Variants in FANCI observed in about 807,000 individuals in gnomAD.
FANCI encodes the protein Fanconi anemia group I protein.
In FANCI, 156 loss-of-function variants were observed where a neutral mutation model predicts 176.1. The ratio of observed to expected loss-of-function variants is 0.89; its 90% confidence interval spans 0.78 to 1.01. The LOEUF (loss-of-function observed/expected upper bound fraction) is 1.01, where lower values mean the gene tolerates loss of function less well. Ranked by LOEUF, FANCI falls within the 50% of genes least tolerant of loss-of-function variation. The probability of loss-of-function intolerance (pLI) is 0.00; values close to 1 mark genes in which losing one functional copy is unlikely to be tolerated. For synonymous variants in FANCI, 613 were observed against 541.7 expected (o/e 1.13, Z -1.83); for missense variants, 1,678 against 1,534.1 (o/e 1.09, Z -1.57).
At chr15:89,274,572 A>G (rs1282390093) in intron 12 of FANCI, among the ~76,000 whole-genome samples, 1 of 133,890 alleles carries the variant, frequency 7.5e-6, no homozygotes, top group Non-Finnish European at 1.6e-5. Context: ...TGATATTACA[A>G]TTCTCTATTT....
At position 89,291,673 on chromosome 15, in the gene FANCI, A is replaced by G. The variant is rs746651145; in HGVS notation, c.1951A>G (p.Ile651Val). Residue 651 changes from isoleucine to valine, a missense_variant, in exon 20 of 38, where the codon ATT becomes GTT. This residue lies in a region of FANCI where 1,204 missense variants were observed against 1,077.4 expected (regional missense o/e 1.12). Transcript: ENST00000310775. ...GCCTCCTCTGAAATTAGAAGCTTGT[A>G]TTCTGACCCAAGGAGATAAGATCTC... ...LLPPLKLEAC[I>V]LTQGDKISLQ... is the part of the protein sequence containing the mutation. The G allele has an allele frequency of 4.3e-6, 7 of 1,613,744 alleles. No individual in the cohort carries two copies. In the African/African-American group the frequency reaches 9.3e-5, roughly 22 times the overall value.
At chr15:89,280,617 A>C (rs1012631224) in intron 14 of FANCI, among the ~76,000 whole-genome samples, 3 of 152,074 alleles carry the variant, frequency 2.0e-5, no homozygotes, top group Non-Finnish European at 4.4e-5. Flanking sequence ...ACTCATAATG[A>C]GCTCTTCTTC....
chr15:89,300,000 T>G (rs2054467350), intron 25 of FANCI, 34 bp downstream of exon 25: 3 of 1,611,606 alleles, frequency 1.9e-6, no homozygotes, highest in Non-Finnish European at 2.5e-6. Context: ...TAGGCTTGAT[T>G]TAGGTTTCTC....
chr15:89,293,831 A>G lies in FANCI; in HGVS notation c.2292-2A>G, dbSNP rs750953609. ...TAGCGGTCTCTTTTTTGTTTTTTAC[A>G]GTAAGAATAGGTTTGAGGACATTCT... On this transcript the variant is annotated splice_acceptor_variant, in intron 22 of 37. Transcript: ENST00000310775. LOFTEE classifies it high-confidence loss of function. 1.2e-6 allele frequency: 2 copies of G among 1,613,560 alleles called. No individual in the cohort carries two copies. Among genetic ancestry groups the G allele is most frequent in the South Asian group, 1.1e-5 (1 of 91,010 alleles).
intron 12 of FANCI, among the ~76,000 whole-genome samples, chr15:89,275,111 C>T (rs62020354): frequency 0.37 from 48,003 of 130,928 alleles, 9,813 homozygotes; most frequent in South Asian, 0.47. Context: ...TTTCTGAAGA[C>T]GTAGGAACTT....
chr15:89,258,896 C>G, intron 3 of FANCI, 120 bp downstream of exon 3: 1 of 801,592 alleles, frequency 1.2e-6, no homozygotes, highest in Non-Finnish European at 2.1e-6. Context: ...TTTGAGGATT[C>G]TACAGAATCA....
intron 20 of FANCI, 139 bp downstream of exon 20, chr15:89,291,853 T>C: frequency 1.4e-6 from 1 of 727,766 alleles, no homozygotes; most frequent in Non-Finnish European, 2.4e-6. Flanking sequence ...TCCCTGCTTA[T>C]CATTTCTGAA....
chr15:89,283,376 ATGATGATGGTGC>A (rs1441381459), intron 17 of FANCI, 126 bp downstream of exon 17: 4 of 1,404,060 alleles, frequency 2.8e-6, no homozygotes, highest in Non-Finnish European at 3.9e-6. Flanking sequence ...GAGTCTGATG[ATGATGATGGTGC>A]TGATGATGAT....
intron 34 of FANCI, 35 bp downstream of exon 34, chr15:89,307,707 C>G (rs532002324): frequency 6.2e-7 from 1 of 1,614,106 alleles, no homozygotes; most frequent in Non-Finnish European, 8.5e-7. Context: ...AATAGGTCTT[C>G]AAGAAAGGAT....
chr15:89,295,065 G>A lies in FANCI; in HGVS notation c.2607G>A (p.Lys869=). The A allele has an allele frequency of 6.4e-7, 1 of 1,551,862 alleles. No homozygotes were observed. The highest frequency in any genetic ancestry group is 2.4e-5 in the East Asian group (1 of 40,912). The change falls in exon 24 of 38, where the codon AAG becomes AAA. Residue 869 remains lysine (K), a synonymous_variant. Transcript: ENST00000310775. ...GCCCTGATGGCCAAAACCCAGAAAAGATCTTTCAGAACCTCTGTGACATAA... is the reference window on the plus strand; with the variant it reads ...GCCCTGATGGCCAAAACCCAGAAAAAATCTTTCAGAACCTCTGTGACATAA... ...VSGPDGQNPE[K]IFQNLCDITR...
chr15:89,302,335 C>G lies in FANCI; in HGVS notation c.3006+893C>G, dbSNP rs183634548. Among the ~76,000 whole-genome samples the G allele has an allele frequency of 8.6e-3, 1,306 of 152,244 alleles. 15 individuals are homozygous for G. The highest frequency in any genetic ancestry group is 0.014 in the Non-Finnish European group (969 of 68,020). ...ATCCCAGTTCCAAACAGCTCACCCC[C>G]ACTTTGCTCTCATCATCGTTCTTTC... On this transcript the variant is annotated intron_variant, in intron 27 of 37. Transcript: ENST00000310775.
intron 34 of FANCI, 52 bp from the exon 35 acceptor site, chr15:89,312,852 A>G (rs2055023524): frequency 6.9e-7 from 1 of 1,441,280 alleles, no homozygotes; most frequent in Admixed American, 1.7e-5. Context: ...CTAGCATGCT[A>G]GCTCCACAGA....
chr15:89,245,350 T>G (rs962241996), intron 1 of FANCI: 1 of 125,340 alleles, frequency 8.0e-6, no homozygotes, highest in Non-Finnish European at 1.6e-5. Context: ...TTTTTTTTTT[T>G]TTTTTTTTTT....
At chr15:89,249,020 AC>A (rs2052113354) in intron 2 of FANCI, among the ~76,000 whole-genome samples, 1 of 152,194 alleles carries the variant, frequency 6.6e-6, no homozygotes, top group Admixed American at 6.5e-5. Context: ...AAAAACAACT[AC>A]CAAAACAACA....
chr15:89,286,838 G>A (rs1179502165), intron 18 of FANCI, among the ~76,000 whole-genome samples: 1 of 152,076 alleles, frequency 6.6e-6, no homozygotes, highest in Non-Finnish European at 1.5e-5. Context: ...CCCAGATAAA[G>A]TCTTCTTCCA....
Position 89,281,298 on chromosome 15 carries a change from CAGG to C in FANCI, c.1511_1512+1del. The C allele has an allele frequency of 6.2e-7, 1 of 1,613,634 alleles. No individual in the cohort carries two copies. Among genetic ancestry groups the C allele is most frequent in the Non-Finnish European group, 8.5e-7 (1 of 1,179,706 alleles). On this transcript the variant is annotated splice_donor_variant and coding_sequence_variant, in exon 15 of 38. Coordinates refer to ENST00000310775, the MANE Select transcript of FANCI (RefSeq NM_001113378.2). LOFTEE classifies it high-confidence loss of function. ...TGTACAAAGGCTGCTTAAGGCAGTG[CAGG>C]TAAGTCTTCAGATTCCCAAGTAACT...
At chr15:89,248,793 A>T (rs2052102618) in intron 2 of FANCI, among the ~76,000 whole-genome samples, 1 of 152,180 alleles carries the variant, frequency 6.6e-6, no homozygotes, top group Non-Finnish European at 1.5e-5. Context: ...TTTGGCAGCA[A>T]CATTATATTG....
At chr15:89,251,657 A>G (rs1293032528) in intron 2 of FANCI, among the ~76,000 whole-genome samples, 1 of 152,200 alleles carries the variant, frequency 6.6e-6, no homozygotes, top group Non-Finnish European at 1.5e-5. Context: ...AAAGTACACC[A>G]TGATCAAGTG....
Position 89,299,778 on chromosome 15 carries a change from ATACCAC to A in FANCI, c.2637-20_2637-15del. On this transcript the variant is annotated splice_polypyrimidine_tract_variant and intron_variant, in intron 24 of 37. Coordinates refer to ENST00000310775, the MANE Select transcript of FANCI (RefSeq NM_001113378.2). ...CTCGGTGAACCTGTCTTTAAAAACA[ATACCAC>A]TTTCTCCTGCTTCAGAGTCTTGCTA... is the stretch of plus-strand genomic sequence containing the variant. 6.2e-7 allele frequency: 1 copy of A among 1,611,748 alleles called. No homozygotes were observed.
Sources: gnomAD v4.1 joint callset for allele counts (sites outside exome capture counted in the v4.1 genomes callset) on GRCh38, gnomAD v4.1.1 for gene constraint, gnomAD v4.1.1 regional missense constraint, MANE v1.5 for transcripts, NCBI Gene and HGNC (gene_info 2026-07-23, HGNC 2026-07-21) for gene names.